Variants in SYT1 observed in about 807,000 individuals in gnomAD.
SYT1 encodes the protein synaptotagmin 1, also known as synaptotagmin-1.
SYT1 carries 8 observed loss-of-function variants against 44.8 expected under a neutral mutation model. The ratio of observed to expected loss-of-function variants is 0.18; its 90% CI spans 0.10 to 0.32. SYT1 has a LOEUF of 0.32. SYT1 is among the 10% of genes least tolerant of loss of function. SYT1 has a pLI of 1.00. For missense variants in SYT1, 286 were observed against 509.3 expected, an observed-to-expected ratio of 0.56 and a Z score of 4.22; for synonymous variants, 154 against 188.8, an observed-to-expected ratio of 0.82 and a Z score of 1.51.
intron 1 of SYT1, among the ~76,000 whole-genome samples, chr12:78,883,623 A>G (rs10861079): frequency 0.51 from 77,661 of 151,422 alleles, 20,220 homozygotes; most frequent in Non-Finnish European, 0.56. Context: ...GAGATGATGT[A>G]TAATAATATA....
At chr12:79,188,076 A>G (rs963703604) in intron 3 of SYT1, among the ~76,000 whole-genome samples, 3 of 152,136 alleles carry the variant, frequency 2.0e-5, no homozygotes, top group Non-Finnish European at 4.4e-5. Context: ...ATTTATTCGC[A>G]TTATATTGGT....
chr12:78,910,775 T>C (rs1876273994), intron 1 of SYT1, among the ~76,000 whole-genome samples: 1 of 151,944 alleles, frequency 6.6e-6, no homozygotes, highest in Non-Finnish European at 1.5e-5. Context: ...AACTTGACCT[T>C]ATCGAAGAAT....
Position 79,151,312 on chromosome 12 carries a change from T to A in SYT1, c.-17-66191T>A, listed in dbSNP as rs190658994. Reference sequence around the variant, plus strand: ...AGTTCCATATTTACTAAGATTGACATTCCCACCTGCCAGGAAGAATGGGAA... The same window carrying A: ...AGTTCCATATTTACTAAGATTGACAATCCCACCTGCCAGGAAGAATGGGAA... On this transcript the variant is annotated intron_variant, in intron 3 of 10. Coordinates refer to ENST00000261205, the MANE Select transcript of SYT1 (RefSeq NM_005639.3). Among the ~76,000 whole-genome samples, 130 of 152,292 alleles carry A rather than the reference T, an allele frequency of 8.5e-4. 1 individual carries two copies. The highest frequency in any genetic ancestry group is 2.8e-3 in the African/African-American group (115 of 41,568).
At chr12:78,981,901 G>T (rs1869291157) in intron 2 of SYT1, among the ~76,000 whole-genome samples, 1 of 151,998 alleles carries the variant, frequency 6.6e-6, no homozygotes, top group Non-Finnish European at 1.5e-5. Flanking sequence ...TCTTAAATTT[G>T]GATAGTTGAA....
At chr12:79,324,445 T>TC (rs980279472) in intron 8 of SYT1, among the ~76,000 whole-genome samples, 3 of 152,212 alleles carry the variant, frequency 2.0e-5, no homozygotes, top group East Asian at 3.9e-4. Context: ...TTCCCTTTTC[T>TC]CCTCTTAACA....
chr12:78,977,617 G>C (rs1364443366), intron 1 of SYT1, 182 bp from the exon 2 acceptor site: 3 of 152,116 alleles, frequency 2.0e-5, no homozygotes, highest in Admixed American at 6.6e-5. Flanking sequence ...ATACCTATTG[G>C]TTCTTAGCCT....
chr12:79,305,613 C>T (rs889476765), intron 8 of SYT1, among the ~76,000 whole-genome samples: 5 of 152,068 alleles, frequency 3.3e-5, no homozygotes, highest in African/African-American at 1.2e-4. Context: ...AGGAAGGGAA[C>T]TGAGACCCAG....
intron 2 of SYT1, among the ~76,000 whole-genome samples, chr12:78,998,944 C>G (rs893237787): frequency 3.3e-5 from 5 of 152,250 alleles, no homozygotes; most frequent in Admixed American, 6.5e-5. Flanking sequence ...AATTTTCATT[C>G]TATCACACTG....
chr12:79,352,537 G>A (rs1490784915), intron 8 of SYT1, among the ~76,000 whole-genome samples: 1 of 152,048 alleles, frequency 6.6e-6, no homozygotes, highest in Non-Finnish European at 1.5e-5. Context: ...TATCTGAGGG[G>A]CATACAACAA....
chr12:79,121,837 C>A (rs1879614596), intron 3 of SYT1, among the ~76,000 whole-genome samples: 1 of 152,146 alleles, frequency 6.6e-6, no homozygotes, highest in Admixed American at 6.5e-5. Context: ...ATATCAAGAA[C>A]CTGTCAATGT....
intron 3 of SYT1, among the ~76,000 whole-genome samples, chr12:79,122,533 A>G (rs886237154): frequency 1.5e-4 from 23 of 150,168 alleles, no homozygotes; most frequent in Non-Finnish European, 2.8e-4. Flanking sequence ...AAAAAAAAAA[A>G]AGAGATTCAT....
At chr12:79,041,814 A>T (rs1332570050) in intron 2 of SYT1, among the ~76,000 whole-genome samples, 4 of 151,776 alleles carry the variant, frequency 2.6e-5, no homozygotes, top group Non-Finnish European at 5.9e-5. Context: ...TACCTAATTT[A>T]TTGAGAGTTT....
chr12:79,155,307 G>A (rs1160253304), intron 3 of SYT1, among the ~76,000 whole-genome samples: 1 of 152,180 alleles, frequency 6.6e-6, no homozygotes, highest in Non-Finnish European at 1.5e-5. Flanking sequence ...AGGGATTATA[G>A]AGGCTCTGTC....
chr12:79,399,195 T>C (rs960571704), intron 9 of SYT1, among the ~76,000 whole-genome samples: 9 of 152,200 alleles, frequency 5.9e-5, no homozygotes, highest in Admixed American at 2.6e-4. Context: ...CATCTTTTCC[T>C]TGTTCTTTTC....
intron 3 of SYT1, among the ~76,000 whole-genome samples, chr12:79,140,839 C>T (rs1869512522): frequency 6.6e-6 from 1 of 152,132 alleles, no homozygotes; most frequent in Non-Finnish European, 1.5e-5. Context: ...TTGCCAGCAC[C>T]CCTGTGACCA....
chr12:78,959,442 A>T (rs892520789), intron 1 of SYT1, among the ~76,000 whole-genome samples: 1 of 152,200 alleles, frequency 6.6e-6, no homozygotes, highest in Non-Finnish European at 1.5e-5. Context: ...GCTACCTTAC[A>T]TAAAAATACT....
In SYT1 at chr12:79,026,515, T is replaced by C. The variant is rs146535716; in HGVS notation, c.-83-20782T>C. Among the ~76,000 whole-genome samples, 1,190 of 151,150 alleles carry C rather than the reference T, an allele frequency of 7.9e-3. 18 individuals are homozygous for C. The highest frequency in any genetic ancestry group is 0.027 in the African/African-American group (1,112 of 41,356). ...TATAACAAATAAAACACTATGCTTT[T>C]ATGTTATTGGAATCACGTGGTTTAT... On this transcript the variant is annotated intron_variant, in intron 2 of 10. Transcript: ENST00000261205.
chr12:79,179,309 T>TATATCG (rs1565841781), intron 3 of SYT1, among the ~76,000 whole-genome samples: 8 of 53,640 alleles, frequency 1.5e-4, no homozygotes, highest in African/African-American at 8.0e-4. Flanking sequence ...TAGATATATC[T>TATATCG]ATATAGATAT....
intron 1 of SYT1, among the ~76,000 whole-genome samples, chr12:78,973,932 A>AAT (rs1868586475): frequency 5.9e-5 from 2 of 34,040 alleles, no homozygotes; most frequent in Non-Finnish European, 1.1e-4. Flanking sequence ...AAAAAAAAAA[A>AAT]AAAAAAATAT....
Sources: allele counts gnomAD v4.1 joint callset (sites outside exome capture counted in the v4.1 genomes callset), GRCh38; gene constraint gnomAD v4.1.1; transcripts MANE v1.5; gene names NCBI Gene and HGNC (gene_info 2026-07-23, HGNC 2026-07-21).